Variants in GRID2 observed in about 807,000 individuals in gnomAD.
GRID2 encodes the protein glutamate ionotropic receptor delta type subunit 2, also known as glutamate receptor ionotropic, delta-2.
Under a neutral mutation model 114.8 loss-of-function variants are expected in GRID2, and 33 were observed. That is an observed-to-expected ratio of 0.29 (90% CI 0.22 to 0.38). The LOEUF (loss-of-function observed/expected upper bound fraction) is 0.38. GRID2 is among the 10% of genes least tolerant of loss of function. GRID2 has a pLI of 1.00. For synonymous variants in GRID2, 505 were observed against 449.9 expected, an observed-to-expected ratio of 1.12 and a Z score of -1.55; for missense variants, 1,184 against 1,257.7, an observed-to-expected ratio of 0.94 and a Z score of 0.89.
intron 2 of GRID2, among the ~76,000 whole-genome samples, chr4:93,074,892 G>A (rs1729121003): frequency 6.6e-6 from 1 of 152,082 alleles, no homozygotes; most frequent in South Asian, 2.1e-4. Context: ...CAAATTCCTT[G>A]AAATATAAAC....
intron 7 of GRID2, among the ~76,000 whole-genome samples, chr4:93,229,051 T>A (rs1745816211): frequency 1.3e-5 from 2 of 152,184 alleles, no homozygotes; most frequent in African/African-American, 4.8e-5. Context: ...TAAAGAAATA[T>A]ATCCATTCTT....
At chr4:92,449,684 TATATATATATATA>T (rs1720792008) in intron 1 of GRID2, among the ~76,000 whole-genome samples, 3 of 128,246 alleles carry the variant, frequency 2.3e-5, no homozygotes, top group African/African-American at 8.6e-5. Flanking sequence ...CTGATATATA[TATATATATATATA>T]TATATATATA....
chr4:93,579,617 G>A (rs1015948718), intron 13 of GRID2, among the ~76,000 whole-genome samples: 1 of 152,142 alleles, frequency 6.6e-6, no homozygotes, highest in Non-Finnish European at 1.5e-5. Flanking sequence ...AGAGACAGTG[G>A]TCTTGACTGA....
intron 2 of GRID2, among the ~76,000 whole-genome samples, chr4:92,813,970 A>G (rs370269532): frequency 4.6e-5 from 7 of 152,142 alleles, no homozygotes; most frequent in African/African-American, 1.4e-4. Flanking sequence ...TTCCCTAACA[A>G]TGTAAGCAGA....
chr4:92,460,583 T>C (rs539590664), intron 1 of GRID2, among the ~76,000 whole-genome samples: 5 of 152,184 alleles, frequency 3.3e-5, no homozygotes, highest in Non-Finnish European at 5.9e-5. Context: ...CTTACTGCTG[T>C]TGTTTTCCTT....
At chr4:93,178,084 AC>A (rs1345802191) in intron 4 of GRID2, among the ~76,000 whole-genome samples, 2 of 151,228 alleles carry the variant, frequency 1.3e-5, no homozygotes, top group African/African-American at 4.9e-5. Flanking sequence ...AAAAAAAAAA[AC>A]ATATAAGCTA....
intron 4 of GRID2, among the ~76,000 whole-genome samples, chr4:93,113,235 A>T (rs1732932989): frequency 6.6e-6 from 1 of 152,134 alleles, no homozygotes; most frequent in Admixed American, 6.6e-5. Flanking sequence ...ACACCTTTTT[A>T]AAAAATGAAC....
At chr4:93,771,614 T>C (rs1190948099) in intron 15 of GRID2, among the ~76,000 whole-genome samples, 2 of 152,216 alleles carry the variant, frequency 1.3e-5, no homozygotes, top group African/African-American at 2.4e-5. Flanking sequence ...ATCATTTTTT[T>C]CAAGAATGGA....
At chr4:92,716,437 A>G (rs1409669678) in intron 2 of GRID2, among the ~76,000 whole-genome samples, 2 of 152,142 alleles carry the variant, frequency 1.3e-5, no homozygotes, top group African/African-American at 4.8e-5. Flanking sequence ...AGGCTTTGAG[A>G]TGTTGTAATT....
intron 2 of GRID2, among the ~76,000 whole-genome samples, chr4:92,912,801 A>G (rs1370283055): frequency 6.6e-6 from 1 of 151,886 alleles, no homozygotes; most frequent in African/African-American, 2.4e-5. Context: ...ACTTTATAAA[A>G]GCAGTGGTTC....
intron 2 of GRID2, among the ~76,000 whole-genome samples, chr4:92,907,487 C>T (rs1405344860): frequency 6.6e-6 from 1 of 152,128 alleles, no homozygotes; most frequent in African/African-American, 2.4e-5. Context: ...TCTTGGCTCA[C>T]TTCAACCTCC....
rs150564616 is a variant in GRID2, at chr4:92,551,781, A to T, written c.89-38350A>T. On this transcript the variant is annotated intron_variant, in intron 1 of 15. Transcript: ENST00000282020. Reference sequence around the variant, plus strand: ...GCATTGGTTGGAGAGGAAGCTGAGGATTGCTGCAGTAGTCTATGCATGAAG... The same window carrying T: ...GCATTGGTTGGAGAGGAAGCTGAGGTTTGCTGCAGTAGTCTATGCATGAAG... Among the ~76,000 whole-genome samples the T allele has an allele frequency of 6.8e-3, 1,035 of 152,240 alleles. 4 individuals are homozygous for T. Among genetic ancestry groups the T allele is most frequent in the South Asian group, 0.03 (145 of 4,818 alleles).
chr4:93,059,835 GTA>G, intron 2 of GRID2, among the ~76,000 whole-genome samples: 1 of 151,374 alleles, frequency 6.6e-6, no homozygotes, highest in South Asian at 2.1e-4. Flanking sequence ...ATTCTGAGAA[GTA>G]TGTTTTTAAA....
intron 2 of GRID2, among the ~76,000 whole-genome samples, chr4:93,035,026 T>G (rs909897689): frequency 6.6e-6 from 1 of 152,022 alleles, no homozygotes; most frequent in African/African-American, 2.4e-5. Flanking sequence ...AAGAAAATAT[T>G]TCTTCTCTCT....
chr4:92,324,160 G>A (rs1238750750), intron 1 of GRID2, among the ~76,000 whole-genome samples: 2 of 151,932 alleles, frequency 1.3e-5, no homozygotes, highest in Non-Finnish European at 2.9e-5. Flanking sequence ...CCTGCTAGGT[G>A]CAGTGAATAT....
chr4:93,123,553 A>G lies in GRID2; in HGVS notation c.735+12600A>G, dbSNP rs1195013217. 4.6e-5 allele frequency among the ~76,000 whole-genome samples: 7 copies of G among 152,158 alleles called. No homozygotes were observed. In the East Asian group the frequency reaches 1.2e-3, roughly 25 times the overall value. On this transcript the variant is annotated intron_variant, in intron 4 of 15. Coordinates refer to ENST00000282020, the MANE Select transcript of GRID2 (RefSeq NM_001510.4). Reference sequence around the variant, plus strand: ...TGAATGGTATATGATTCCATACCCCAAGGGATATAGACTCATAAGGAAAAT... The same window carrying G: ...TGAATGGTATATGATTCCATACCCCGAGGGATATAGACTCATAAGGAAAAT...
intron 2 of GRID2, among the ~76,000 whole-genome samples, chr4:92,943,372 G>A (rs1016315544): frequency 8.6e-5 from 13 of 151,726 alleles, no homozygotes; most frequent in Admixed American, 1.3e-4. Context: ...TGATCGCGTC[G>A]GCTACTGAGG....
chr4:93,578,118 C>T (rs185198770), intron 13 of GRID2, among the ~76,000 whole-genome samples: 10 of 152,258 alleles, frequency 6.6e-5, no homozygotes, highest in Non-Finnish European at 8.8e-5. Flanking sequence ...TCTGCTCTTC[C>T]GTGGTTTCAT....
At chr4:92,499,600 A>G (rs1723569132) in intron 1 of GRID2, among the ~76,000 whole-genome samples, 1 of 152,078 alleles carries the variant, frequency 6.6e-6, no homozygotes, top group African/African-American at 2.4e-5. Context: ...CAATCTATGA[A>G]TGTTTTGTTT....
Sources: gnomAD v4.1 joint callset for allele counts (sites outside exome capture counted in the v4.1 genomes callset) on GRCh38, gnomAD v4.1.1 for gene constraint, MANE v1.5 for transcripts, NCBI Gene and HGNC (gene_info 2026-07-23, HGNC 2026-07-21) for gene names.